The following FSTL5 variants were observed in gnomAD, a reference collection of about 807,000 sequenced individuals.
FSTL5 encodes follistatin like 5.
Under a neutral mutation model 89.1 loss-of-function variants are expected in FSTL5, and 62 were observed. The ratio of observed to expected loss-of-function variants is 0.70; its 90% confidence interval spans 0.57 to 0.86. The LOEUF (loss-of-function observed/expected upper bound fraction) is 0.86, where lower values mean the gene tolerates loss of function less well. Ranked by LOEUF, FSTL5 falls within the 40% of genes least tolerant of loss-of-function variation. FSTL5 has a pLI of 0.00. For synonymous variants in FSTL5, 383 were observed against 346.2 expected, an observed-to-expected ratio of 1.11 and a Z score of -1.18; for missense variants, 1,057 against 1,001.6, an observed-to-expected ratio of 1.06 and a Z score of -0.75.
chr4:161,477,842 A>C (rs571166174), intron 13 of FSTL5, among the ~76,000 whole-genome samples: 1 of 152,210 alleles, frequency 6.6e-6, no homozygotes, highest in Non-Finnish European at 1.5e-5. Context: ...TCAATGTAGA[A>C]ATATAGAAAA....
intron 6 of FSTL5, among the ~76,000 whole-genome samples, chr4:161,713,484 T>C (rs961799618): frequency 6.6e-6 from 1 of 152,192 alleles, no homozygotes; most frequent in Non-Finnish European, 1.5e-5. Flanking sequence ...CATAACTTTC[T>C]AAGACGGTAA....
intron 6 of FSTL5, among the ~76,000 whole-genome samples, chr4:161,695,742 TG>T (rs1287402549): frequency 1.3e-5 from 2 of 152,144 alleles, no homozygotes; most frequent in Admixed American, 6.6e-5. Context: ...TTCATATGTT[TG>T]TTGGCCATTT....
chr4:161,736,094 G>A (rs1739805022), intron 6 of FSTL5, among the ~76,000 whole-genome samples: 1 of 152,070 alleles, frequency 6.6e-6, no homozygotes, highest in South Asian at 2.1e-4. Context: ...CATTAGATGA[G>A]TATGTGTGAC....
intron 1 of FSTL5, among the ~76,000 whole-genome samples, chr4:162,125,099 A>G (rs140422680): frequency 6.6e-6 from 1 of 152,328 alleles, no homozygotes; most frequent in Non-Finnish European, 1.5e-5. Context: ...ACCCTTAAGG[A>G]GTAAAATTAC....
chr4:161,912,096 T>G (rs1165430798), intron 4 of FSTL5, among the ~76,000 whole-genome samples: 1 of 152,222 alleles, frequency 6.6e-6, no homozygotes, highest in Non-Finnish European at 1.5e-5. Flanking sequence ...TATCCTCAAT[T>G]ACATATTCTG....
chr4:161,548,599 GATAT>G (rs564688147), intron 8 of FSTL5, among the ~76,000 whole-genome samples: 1 of 151,756 alleles, frequency 6.6e-6, no homozygotes, highest in Non-Finnish European at 1.5e-5. Flanking sequence ...TAGGTAGTTA[GATAT>G]ATGTCACATG....
intron 7 of FSTL5, among the ~76,000 whole-genome samples, chr4:161,589,811 T>A (rs1733743265): frequency 6.6e-6 from 1 of 152,040 alleles, no homozygotes; most frequent in African/African-American, 2.4e-5. Flanking sequence ...CACACAAACG[T>A]GCAGGACTGT....
intron 10 of FSTL5, among the ~76,000 whole-genome samples, chr4:161,522,659 A>T (rs1731079976): frequency 6.6e-6 from 1 of 151,564 alleles, no homozygotes; most frequent in Non-Finnish European, 1.5e-5. Flanking sequence ...TTTTTATAAA[A>T]TTATAGATAT....
intron 11 of FSTL5, among the ~76,000 whole-genome samples, chr4:161,504,112 T>G (rs948270728): frequency 4.6e-5 from 7 of 151,980 alleles, no homozygotes; most frequent in African/African-American, 1.7e-4. Context: ...TTTATTTGTT[T>G]GAAAACTTAG....
intron 3 of FSTL5, among the ~76,000 whole-genome samples, chr4:162,030,275 G>A (rs1485595956): frequency 6.6e-6 from 1 of 151,864 alleles, no homozygotes; most frequent in Non-Finnish European, 1.5e-5. Context: ...TGAAAGCTAA[G>A]TCTTATTTAA....
chr4:161,547,232 C>A (rs1306062810), intron 8 of FSTL5, among the ~76,000 whole-genome samples: 1 of 152,010 alleles, frequency 6.6e-6, no homozygotes, highest in Admixed American at 6.6e-5. Context: ...CAGCTCTGAA[C>A]AACATGTTGA....
intron 1 of FSTL5, among the ~76,000 whole-genome samples, chr4:162,146,796 T>C: frequency 6.6e-6 from 1 of 150,708 alleles, no homozygotes. Context: ...TTTCTTTTTG[T>C]GTGTGTGTGA....
intron 8 of FSTL5, among the ~76,000 whole-genome samples, chr4:161,582,462 T>C (rs1485840862): frequency 6.6e-6 from 1 of 152,208 alleles, no homozygotes. Flanking sequence ...CTGTTTGTTG[T>C]TGTTGACTTA....
intron 4 of FSTL5, among the ~76,000 whole-genome samples, chr4:161,842,529 A>G (rs954585819): frequency 2.0e-5 from 3 of 152,148 alleles, no homozygotes; most frequent in Non-Finnish European, 4.4e-5. Context: ...TTTTAAGTAT[A>G]ACTCTAAACT....
chr4:161,643,031 G>A (rs1486666311), intron 7 of FSTL5, among the ~76,000 whole-genome samples: 1 of 152,102 alleles, frequency 6.6e-6, no homozygotes, highest in African/African-American at 2.4e-5. Context: ...GTATAAACAT[G>A]TTGGTTTATA....
At chr4:161,576,134 GGA>G (rs1181396922) in intron 8 of FSTL5, among the ~76,000 whole-genome samples, 1 of 151,990 alleles carries the variant, frequency 6.6e-6, no homozygotes, top group African/African-American at 2.4e-5. Context: ...ACCTCTTCAA[GGA>G]GAACTACAAA....
chr4:161,674,468 T>G (rs2126701606), intron 6 of FSTL5, among the ~76,000 whole-genome samples: 1 of 152,276 alleles, frequency 6.6e-6, no homozygotes, highest in South Asian at 2.1e-4. Context: ...TGAAACATAC[T>G]AAAAATAATA....
At chr4:161,834,470 G>A (rs1356579427) in intron 4 of FSTL5, among the ~76,000 whole-genome samples, 1 of 152,064 alleles carries the variant, frequency 6.6e-6, no homozygotes, top group African/African-American at 2.4e-5. Flanking sequence ...GGCAGAAGAA[G>A]GAAATAAAGG....
At chr4:161,809,285 C>T (rs1024080059) in intron 4 of FSTL5, among the ~76,000 whole-genome samples, 4 of 152,072 alleles carry the variant, frequency 2.6e-5, no homozygotes, top group Admixed American at 2.6e-4. Flanking sequence ...AATTAGAATT[C>T]TATGAGGATG....
Sources: allele counts gnomAD v4.1 joint callset (sites outside exome capture counted in the v4.1 genomes callset), GRCh38; gene constraint gnomAD v4.1.1; transcripts MANE v1.5; gene names NCBI Gene and HGNC (gene_info 2026-07-23, HGNC 2026-07-21).